Variants in PRUNE2 observed in about 807,000 individuals in gnomAD.
PRUNE2 encodes the protein prune homolog 2 with BCH domain.
Under a neutral mutation model 252.0 loss-of-function variants are expected in PRUNE2, and 164 were observed. That is an observed-to-expected ratio of 0.65 (90% confidence interval 0.57 to 0.74). The LOEUF (loss-of-function observed/expected upper bound fraction) is 0.74, where lower values mean the gene tolerates loss of function less well. Among genes scored for constraint, PRUNE2 ranks in the 30% least tolerant of loss-of-function variants. PRUNE2 has a pLI of 0.00. For missense variants in PRUNE2, 3,495 were observed against 3,711.0 expected, an observed-to-expected ratio of 0.94 and a Z score of 1.51; for synonymous variants, 1,292 against 1,350.2, an observed-to-expected ratio of 0.96 and a Z score of 0.94.
At chr9:76,846,400 CG>C (rs2059671431) in intron 4 of PRUNE2, 114 bp downstream of exon 4, 2 of 801,006 alleles carry the variant, frequency 2.5e-6, no homozygotes, top group African/African-American at 3.4e-5. Context: ...TGAAGCTTCC[CG>C]TGGTCTTTAA....
chr9:76,702,010 G>A (rs1028216392), intron 9 of PRUNE2, among the ~76,000 whole-genome samples: 2 of 151,770 alleles, frequency 1.3e-5, no homozygotes, highest in Non-Finnish European at 2.9e-5. Flanking sequence ...GGTATGTGAT[G>A]TGTATAGTCC....
chr9:76,644,995 C>A, intron 11 of PRUNE2, 86 bp from the exon 12 acceptor site: 1 of 1,217,790 alleles, frequency 8.2e-7, no homozygotes, highest in East Asian at 2.5e-5. Flanking sequence ...CTTTACAATA[C>A]AGTACTCCTA....
At chr9:76,855,063 TCA>T (rs2060169847) in intron 1 of PRUNE2, among the ~76,000 whole-genome samples, 1 of 38,546 alleles carries the variant, frequency 2.6e-5, no homozygotes. Context: ...AGACTCCATC[TCA>T]AAAAAAAAAA....
intron 1 of PRUNE2, among the ~76,000 whole-genome samples, chr9:76,900,516 T>C (rs997571463): frequency 6.6e-6 from 1 of 152,084 alleles, no homozygotes; most frequent in Non-Finnish European, 1.5e-5. Flanking sequence ...CCTAACAGGG[T>C]AGCCACGAAT....
chr9:76,704,804 A>G lies in PRUNE2; in HGVS notation c.7470T>C (p.Asp2490=), dbSNP rs1326080362. ...CTCCACCTGCTGGTAAATCAGAATTATCTGTTTCTACTTCCCAGTCAACGT... is the reference window on the plus strand; with the variant it reads ...CTCCACCTGCTGGTAAATCAGAATTGTCTGTTTCTACTTCCCAGTCAACGT... ...PSNVDWEVET[D]NSDLPAGGDI... Residue 2490 remains aspartate, a synonymous_variant, in exon 8 of 19, where the codon GAT becomes GAC. Transcript: ENST00000376718. 1.9e-6 allele frequency: 3 copies of G among 1,579,224 alleles called. No homozygotes were observed. Among genetic ancestry groups the G allele is most frequent in the Middle Eastern group, 1.7e-4 (1 of 6,004 alleles).
At chr9:76,851,894 T>C (rs2059981142) in intron 2 of PRUNE2, among the ~76,000 whole-genome samples, 1 of 152,160 alleles carries the variant, frequency 6.6e-6, no homozygotes, top group South Asian at 2.1e-4. Flanking sequence ...GCTTTAAAAA[T>C]TACTGTGAAT....
chr9:76,723,760 G>C (rs2135288523), intron 6 of PRUNE2, among the ~76,000 whole-genome samples: 1 of 151,716 alleles, frequency 6.6e-6, no homozygotes, highest in South Asian at 2.1e-4. Context: ...GAAAATCACT[G>C]CTTTCTTGTC....
chr9:76,695,672 C>T (rs1476289347), intron 9 of PRUNE2, among the ~76,000 whole-genome samples: 4 of 152,208 alleles, frequency 2.6e-5, no homozygotes, highest in Non-Finnish European at 5.9e-5. Context: ...CAGAAATTAT[C>T]ACAGTGTCAT....
chr9:76,904,507 T>C (rs1412643964), intron 1 of PRUNE2, among the ~76,000 whole-genome samples: 1 of 152,230 alleles, frequency 6.6e-6, no homozygotes, highest in African/African-American at 2.4e-5. Context: ...ACACGCACAG[T>C]TGCCAAAATT....
At chr9:76,660,259 G>A (rs1850781745) in intron 9 of PRUNE2, among the ~76,000 whole-genome samples, 1 of 152,108 alleles carries the variant, frequency 6.6e-6, no homozygotes, top group Non-Finnish European at 1.5e-5. Flanking sequence ...ATAGGGCTCT[G>A]GACCTTCAGG....
chr9:76,888,446 G>A (rs900333116), intron 1 of PRUNE2, among the ~76,000 whole-genome samples: 18 of 151,956 alleles, frequency 1.2e-4, no homozygotes, highest in Admixed American at 3.9e-4. Flanking sequence ...GCGTGGTGGC[G>A]CAGGCCTGTA....
At chr9:76,851,602 T>A (rs1279775969) in intron 2 of PRUNE2, among the ~76,000 whole-genome samples, 1 of 151,172 alleles carries the variant, frequency 6.6e-6, no homozygotes, top group Non-Finnish European at 1.5e-5. Context: ...CAGCTATAAA[T>A]CTAGATTTGG....
chr9:76,727,032 A>G (rs879518618), intron 6 of PRUNE2, among the ~76,000 whole-genome samples: 4 of 152,232 alleles, frequency 2.6e-5, no homozygotes, highest in Non-Finnish European at 5.9e-5. Flanking sequence ...ATAACTTTAG[A>G]CCAGGGTTTC....
chr9:76,682,450 C>T (rs1232402984), intron 9 of PRUNE2, among the ~76,000 whole-genome samples: 1 of 151,518 alleles, frequency 6.6e-6, no homozygotes, highest in Non-Finnish European at 1.5e-5. Flanking sequence ...CAACCTTCGC[C>T]TCCTGGGTTC....
chr9:76,679,713 C>T (rs1461984624), intron 9 of PRUNE2, among the ~76,000 whole-genome samples: 10 of 152,194 alleles, frequency 6.6e-5, no homozygotes, highest in South Asian at 4.2e-4. Flanking sequence ...CAGAAATAAA[C>T]CCATGCCTAT....
chr9:76,775,470 T>C (rs557672454), intron 6 of PRUNE2, among the ~76,000 whole-genome samples: 1 of 134,750 alleles, frequency 7.4e-6, no homozygotes. Context: ...CTAATTTTTG[T>C]GGTTTTTTTT....
intron 1 of PRUNE2, among the ~76,000 whole-genome samples, chr9:76,905,086 C>T (rs1174327464): frequency 6.6e-6 from 1 of 152,148 alleles, no homozygotes; most frequent in African/African-American, 2.4e-5. Context: ...TAAATGAGTA[C>T]AGGCTTTTCT....
In PRUNE2 at chr9:76,707,956, A is replaced by T; in HGVS notation, c.4318T>A (p.Ser1440Thr). Residue 1440 changes from serine (S) to threonine (T), a missense_variant, in exon 8 of 19, where the codon TCA becomes ACA. Ser to Thr is a moderately conservative substitution (Grantham distance 58). Coordinates refer to ENST00000376718, the MANE Select transcript of PRUNE2 (RefSeq NM_015225.3). ...TCTGAAGTCTCAGTAGTTTCACCTG[A>T]ATTTCTTTGACTCATGAGGTGTTTT... is the stretch of plus-strand genomic sequence containing the variant. ...HEKHLMSQRN[S>T]GETTETSDGM... The T allele has an allele frequency of 6.2e-7, 1 of 1,613,842 alleles. No homozygotes were observed. Among genetic ancestry groups the T allele is most frequent in the Non-Finnish European group, 8.5e-7 (1 of 1,179,866 alleles).
chr9:76,774,663 T>C (rs2131029941), intron 6 of PRUNE2, among the ~76,000 whole-genome samples: 1 of 152,092 alleles, frequency 6.6e-6, no homozygotes, highest in East Asian at 1.9e-4. Context: ...TTCACCATAT[T>C]GGTCAGGCTG....
Sources: gnomAD v4.1 joint callset for allele counts (sites outside exome capture counted in the v4.1 genomes callset) on GRCh38, gnomAD v4.1.1 for gene constraint, MANE v1.5 for transcripts, NCBI Gene and HGNC (gene_info 2026-07-23, HGNC 2026-07-21) for gene names.